CSPG4: variants seen among roughly 807,000 people sequenced by gnomAD.
CSPG4 encodes chondroitin sulfate proteoglycan 4 (melanoma-associated).
Under a neutral mutation model 139.3 loss-of-function variants are expected in CSPG4, and 74 were observed. The observed-to-expected ratio is 0.53, with a 90% confidence interval of 0.44 to 0.64. CSPG4 has a LOEUF of 0.64. CSPG4 is among the 30% of genes least tolerant of loss of function. The pLI is 0.00. For missense variants in CSPG4, 2,565 were observed against 3,148.3 expected, an observed-to-expected ratio of 0.81 and a Z score of 4.43; for synonymous variants, 1,234 against 1,394.2, an observed-to-expected ratio of 0.89 and a Z score of 2.56.
At chr15:75,691,732 T>G (rs1014811351) in intron 2 of CSPG4, among the ~76,000 whole-genome samples, 1 of 152,174 alleles carries the variant, frequency 6.6e-6, no homozygotes, top group Non-Finnish European at 1.5e-5. Flanking sequence ...CAGAAATGGC[T>G]CTGGTACGGT....
chr15:75,680,655 G>A (rs1052237062), intron 8 of CSPG4: 3 of 153,584 alleles, frequency 2.0e-5, no homozygotes, highest in African/African-American at 7.2e-5. Context: ...GAGCTCTGGG[G>A]AGCAAGCAGT....
At chr15:75,680,928 A>C (rs138961708) in intron 8 of CSPG4, among the ~76,000 whole-genome samples, 106 of 152,062 alleles carry the variant, frequency 7.0e-4, no homozygotes, top group Non-Finnish European at 1.1e-3. Context: ...TGCCAGCCTG[A>C]CCCCCTGGTG....
At chr15:75,695,706 C>A (rs74026527) in intron 1 of CSPG4, among the ~76,000 whole-genome samples, 1,934 of 151,926 alleles carry the variant, frequency 0.013, 34 homozygotes, top group African/African-American at 0.041. Context: ...AGAGGGTGTG[C>A]AGAATTAAGA....
intron 1 of CSPG4, among the ~76,000 whole-genome samples, chr15:75,702,893 C>G (rs560239567): frequency 1.6e-4 from 24 of 149,516 alleles, no homozygotes; most frequent in African/African-American, 5.4e-4. Flanking sequence ...CCCAGGCCCC[C>G]CTGCCCGCCT....
Position 75,675,997 on chromosome 15 carries a change from G to A in CSPG4, c.6522C>T (p.Ala2174=). 2 of 1,574,896 alleles carry A rather than the reference G, an allele frequency of 1.3e-6. No individual in the cohort carries two copies. The highest frequency in any genetic ancestry group is 1.7e-6 in the Non-Finnish European group (2 of 1,165,572). Reference sequence around the variant, plus strand: ...GGGCGGCCTCGGGGACACTGAGCAGGGCCACGCTGTAGGGCCGGGCAGCAT... The same window carrying A: ...GGGCGGCCTCGGGGACACTGAGCAGAGCCACGCTGTAGGGCCGGGCAGCAT... ...PYNAARPYSV[A]LLSVPEAART... Residue 2174 remains alanine, a synonymous_variant, in exon 10 of 10, where the codon GCC becomes GCT. Coordinates refer to ENST00000308508, the MANE Select transcript of CSPG4 (RefSeq NM_001897.5).
chr15:75,682,984 C>A lies in CSPG4; in HGVS notation c.4507G>T (p.Asp1503Tyr). 1 of 1,611,428 alleles carries A rather than the reference C, an allele frequency of 6.2e-7. No homozygotes were observed. ...PAEALRSTDG[D>Y]SGSEDLVYTI... Reference sequence around the variant, plus strand: ...TAGACCAGATCCTCAGACCCAGAGTCGCCGTCCGTGCTCCTCAGAGCCTCC... The same window carrying A: ...TAGACCAGATCCTCAGACCCAGAGTAGCCGTCCGTGCTCCTCAGAGCCTCC... Residue 1503 changes from aspartate to tyrosine, a missense_variant, in exon 6 of 10, where the codon GAC becomes TAC. This residue lies in a region of CSPG4 where 2,316 missense variants were observed against 2,818.2 expected (regional missense o/e 0.82). Transcript: ENST00000308508.
intron 9 of CSPG4, 115 bp from the exon 10 acceptor site, chr15:75,677,499 C>A: frequency 7.9e-7 from 1 of 1,264,810 alleles, no homozygotes; most frequent in Non-Finnish European, 1.1e-6. Context: ...CAAGCCAGGT[C>A]CTCCAGGGTG....
intron 1 of CSPG4, among the ~76,000 whole-genome samples, chr15:75,695,591 C>CT (rs1187861361): frequency 6.6e-6 from 1 of 152,196 alleles, no homozygotes; most frequent in East Asian, 1.9e-4. Context: ...TCCTGGTCTC[C>CT]TTTTTTCTGC....
In CSPG4 at chr15:75,690,197, G is replaced by A. The variant is rs1244012784; in HGVS notation, c.868C>T (p.His290Tyr). The A allele has an allele frequency of 1.2e-6, 2 of 1,613,248 alleles. No individual in the cohort carries two copies. Among genetic ancestry groups the A allele is most frequent in the East Asian group, 2.2e-5 (1 of 44,892 alleles). ...ATTTCCAGCCGGTGAGCATTGATGT[G>A]GACACTGACCTCATGGGGCTGCCCA... The part of the protein sequence containing the change: ...ADGQPHEVSV[H>Y]INAHRLEISV... The change falls in exon 3 of 10, where the codon CAC (histidine) becomes TAC (tyrosine). Residue 290 changes from histidine to tyrosine, a missense_variant. By Grantham distance (83) the His-to-Tyr change is moderately conservative. Transcript: ENST00000308508.
At position 75,688,295 on chromosome 15, in the gene CSPG4, C is replaced by A. The variant is rs1412293833; in HGVS notation, c.2770G>T (p.Val924Phe). Residue 924 changes from valine (V) to phenylalanine (F), a missense_variant, in exon 3 of 10, where the codon GTC becomes TTC. By Grantham distance (50) the Val-to-Phe change is conservative. Transcript: ENST00000308508. ...EGVLSADHLF[V>F]KSLNSASYLY... Reference sequence around the variant, plus strand: ...TAGCTGGCACTGTTGAGACTCTTGACAAAGAGGTGGTCAGCAGAGAGGACA... The same window carrying A: ...TAGCTGGCACTGTTGAGACTCTTGAAAAAGAGGTGGTCAGCAGAGAGGACA... 6.2e-7 allele frequency: 1 copy of A among 1,613,130 alleles called. No individual in the cohort carries two copies. Among genetic ancestry groups the A allele is most frequent in the South Asian group, 1.1e-5 (1 of 91,084 alleles).
rs748513054 is a variant in CSPG4, at chr15:75,684,809, G to T, written c.4376C>A (p.Pro1459His). 1 of 1,613,680 alleles carries T rather than the reference G, an allele frequency of 6.2e-7. No individual in the cohort carries two copies. The highest frequency in any genetic ancestry group is 8.5e-7 in the Non-Finnish European group (1 of 1,179,872). ...NASEMDRQSH[P>H]VAFTVTVLPV... ...CAGGACAGTGACAGTGAAGGCCACA[G>T]GATGGCTCTGGCGATCCATCTCGGA... is the stretch of plus-strand genomic sequence containing the variant. Residue 1459 changes from proline (P) to histidine (H), a missense_variant, in exon 5 of 10, where the codon CCT (proline) becomes CAT (histidine). This residue lies in a region of CSPG4 where 2,316 missense variants were observed against 2,818.2 expected (regional missense o/e 0.82). Transcript: ENST00000308508.
intron 1 of CSPG4, among the ~76,000 whole-genome samples, chr15:75,695,487 A>G (rs1252485759): frequency 6.6e-6 from 1 of 151,944 alleles, no homozygotes; most frequent in Non-Finnish European, 1.5e-5. Flanking sequence ...GTGCTGCTGG[A>G]GCGCGTGGCC....
At chr15:75,700,388 G>T (rs189362246) in intron 1 of CSPG4, among the ~76,000 whole-genome samples, 20 of 152,220 alleles carry the variant, frequency 1.3e-4, no homozygotes, top group Admixed American at 1.0e-3. Flanking sequence ...CAGCGAGGAG[G>T]GGGGGACAGC....
intron 9 of CSPG4, 56 bp downstream of exon 9, chr15:75,677,647 C>A: frequency 6.5e-7 from 1 of 1,528,898 alleles, no homozygotes; most frequent in Non-Finnish European, 8.8e-7. Context: ...TCCCCTCCTC[C>A]TGGGCCTCTC....
Position 75,674,797 on chromosome 15 carries a change from C to T in CSPG4, c.*753G>A. 2.5e-6 allele frequency: 1 copy of T among 398,700 alleles called. No homozygotes were observed. Among genetic ancestry groups the T allele is most frequent in the Admixed American group, 4.4e-5 (1 of 22,734 alleles). The allele number at this position is 398,700 out of a possible 1,614,324, so 24.7% of individuals were successfully genotyped here. A position where few individuals can be genotyped will look rare whatever the true frequency, so the allele number is the denominator to read the frequency against. ...GACACATGCATGTTTAGCCCTTGGC[C>T]CATCAAGATGGGGCCCTGGGAATGA... On this transcript the variant is annotated 3_prime_UTR_variant, in exon 10 of 10. Transcript: ENST00000308508.
At position 75,687,464 on chromosome 15, in the gene CSPG4, G is replaced by T; in HGVS notation, c.3601C>A (p.His1201Asn). The T allele has an allele frequency of 6.2e-7, 1 of 1,612,582 alleles. No individual in the cohort carries two copies. The highest frequency in any genetic ancestry group is 8.5e-7 in the Non-Finnish European group (1 of 1,179,676). ...TCGCGGGGGCTGAGGCTGCCATTGT[G>T]GCTATAGAGAACGGCCCCATCCAGC... is the stretch of plus-strand genomic sequence containing the variant. ...DLLDGAVLYS[H>N]NGSLSPRDTM... Residue 1201 changes from histidine (H) to asparagine (N), a missense_variant, in exon 3 of 10, where the codon CAC (histidine) becomes AAC (asparagine). His to Asn is a moderately conservative substitution (Grantham distance 68). Coordinates refer to ENST00000308508, the MANE Select transcript of CSPG4 (RefSeq NM_001897.5). The surrounding 1 kb of genome is among the most constrained non-coding windows in gnomAD (Gnocchi z 5.4).
upstream of CSPG4, among the ~76,000 whole-genome samples, chr15:75,713,334 C>T (rs1176720004): frequency 2.0e-5 from 3 of 152,214 alleles, no homozygotes; most frequent in African/African-American, 7.2e-5. Flanking sequence ...CTGTGGGGCA[C>T]TGCCCATGGC....
At chr15:75,678,484 C>T (rs796281300) in intron 8 of CSPG4, 14 of 367,734 alleles carry the variant, frequency 3.8e-5, no homozygotes, top group Middle Eastern at 9.8e-4. Context: ...TCCCAAGTAG[C>T]GGGGACTGCA....
chr15:75,693,337 C>A (rs936382119), intron 1 of CSPG4, 104 bp from the exon 2 acceptor site: 2 of 1,154,080 alleles, frequency 1.7e-6, no homozygotes, highest in Non-Finnish European at 1.2e-6. Flanking sequence ...TCCGTGCTGG[C>A]GCACCCTCAT....
Sources: gnomAD v4.1 joint callset for allele counts (sites outside exome capture counted in the v4.1 genomes callset) on GRCh38, gnomAD v4.1.1 for gene constraint, gnomAD v4.1.1 regional missense constraint, Gnocchi (gnomAD v3.1) non-coding constraint, MANE v1.5 for transcripts, NCBI Gene and HGNC (gene_info 2026-07-23, HGNC 2026-07-21) for gene names.